The following GRAMD1B variants were observed in gnomAD, a reference collection of about 807,000 sequenced individuals.
GRAMD1B encodes GRAM domain containing 1B.
GRAMD1B carries 37 observed loss-of-function variants against 99.7 expected under a neutral mutation model. The observed-to-expected ratio is 0.37, with a 90% CI of 0.29 to 0.49. The LOEUF is 0.49. Among genes scored for constraint, GRAMD1B ranks in the 20% least tolerant of loss-of-function variants. GRAMD1B has a pLI of 0.98. For missense variants in GRAMD1B, 888 were observed against 1,009.2 expected (o/e 0.88, Z 1.63); for synonymous variants, 427 against 387.6 (o/e 1.10, Z -1.19).
intron 2 of GRAMD1B, among the ~76,000 whole-genome samples, chr11:123,521,725 T>C (rs1942209752): frequency 6.6e-6 from 1 of 152,228 alleles, no homozygotes; most frequent in African/African-American, 2.4e-5. Context: ...GGGCAGCATT[T>C]GTACATTTCT....
At chr11:123,438,397 G>A (rs1411693995) in intron 1 of GRAMD1B, among the ~76,000 whole-genome samples, 1 of 152,062 alleles carries the variant, frequency 6.6e-6, no homozygotes, top group African/African-American at 2.4e-5. Flanking sequence ...GATGTGGAGG[G>A]GGAGGTCCTG....
At chr11:123,488,062 T>C (rs1241850328) in intron 2 of GRAMD1B, among the ~76,000 whole-genome samples, 2 of 152,188 alleles carry the variant, frequency 1.3e-5, no homozygotes, top group African/African-American at 4.8e-5. Context: ...GGCATTCAGG[T>C]GAGGTCCTGT....
At chr11:123,392,482 A>G (rs1358724244) in intron 1 of GRAMD1B, among the ~76,000 whole-genome samples, 1 of 151,912 alleles carries the variant, frequency 6.6e-6, no homozygotes, top group Non-Finnish European at 1.5e-5. Context: ...TGTCAGTTTC[A>G]TATCAATTCT....
chr11:123,415,476 C>A (rs1229204325), intron 1 of GRAMD1B, among the ~76,000 whole-genome samples: 1 of 151,394 alleles, frequency 6.6e-6, no homozygotes, highest in South Asian at 2.1e-4. Flanking sequence ...ACATTGCTAT[C>A]TTTTCAGTCA....
At chr11:123,572,486 G>A (rs1565392553) in intron 2 of GRAMD1B, among the ~76,000 whole-genome samples, 1 of 152,292 alleles carries the variant, frequency 6.6e-6, no homozygotes, top group African/African-American at 2.4e-5. Flanking sequence ...TGGGATAATG[G>A]GTTAACTGGT....
At chr11:123,563,808 G>A (rs551261830) in intron 2 of GRAMD1B, among the ~76,000 whole-genome samples, 2 of 152,088 alleles carry the variant, frequency 1.3e-5, no homozygotes, top group Admixed American at 6.5e-5. Context: ...CAATGAGAAG[G>A]GTGGCAAGGG....
intron 1 of GRAMD1B, among the ~76,000 whole-genome samples, chr11:123,474,935 A>G (rs1461981924): frequency 6.6e-6 from 1 of 152,168 alleles, no homozygotes; most frequent in African/African-American, 2.4e-5. Flanking sequence ...ACATGCCCCC[A>G]TGACGGCTTG....
intron 2 of GRAMD1B, among the ~76,000 whole-genome samples, chr11:123,541,160 C>T (rs1479606127): frequency 6.6e-6 from 1 of 151,950 alleles, no homozygotes; most frequent in Non-Finnish European, 1.5e-5. Flanking sequence ...TTTTTTAGTA[C>T]AGACGGAGTT....
intron 4 of GRAMD1B, among the ~76,000 whole-genome samples, chr11:123,592,438 T>C (rs1217047326): frequency 6.6e-6 from 1 of 152,172 alleles, no homozygotes; most frequent in African/African-American, 2.4e-5. Context: ...ATAAAAATAA[T>C]CTGGGGTCTG....
intron 2 of GRAMD1B, among the ~76,000 whole-genome samples, chr11:123,500,485 T>A (rs775248841): frequency 1.3e-5 from 2 of 152,102 alleles, no homozygotes; most frequent in Non-Finnish European, 2.9e-5. Flanking sequence ...CAATGGGAAA[T>A]TTGCTAAAAT....
In GRAMD1B at chr11:123,618,680, G is replaced by C. The variant is rs765147426; in HGVS notation, c.2319-13G>C. Reference sequence around the variant, plus strand: ...TCACTGCTGATGTTTTTTTCCCCACGTCTCCTTCCTAGTCTGGTGCTGCTG... The same window carrying C: ...TCACTGCTGATGTTTTTTTCCCCACCTCTCCTTCCTAGTCTGGTGCTGCTG... On this transcript the variant is annotated splice_polypyrimidine_tract_variant and intron_variant, in intron 17 of 19. Transcript: ENST00000635736. The C allele has an allele frequency of 6.9e-7, 1 of 1,457,620 alleles. No homozygotes were observed. The highest frequency in any genetic ancestry group is 9.5e-7 in the Non-Finnish European group (1 of 1,052,604). 90.3% of individuals were successfully genotyped at this position (1,457,620 alleles called of 1,614,324 possible). A position where few individuals can be genotyped will look rare whatever the true frequency, so the allele number is the denominator to read the frequency against.
At chr11:123,617,169 C>CTTTTTTTTTTT (rs34788392) in intron 17 of GRAMD1B, among the ~76,000 whole-genome samples, 15 of 133,652 alleles carry the variant, frequency 1.1e-4, no homozygotes, top group African/African-American at 1.4e-4. Context: ...TCTTTCTTTC[C>CTTTTTTTTTTT]TTTTTTTTTT....
Position 123,577,398 on chromosome 11 carries a change from G to A in GRAMD1B, c.484G>A (p.Ala162Thr), listed in dbSNP as rs999972541. 1.3e-6 allele frequency: 2 copies of A among 1,594,442 alleles called. No individual in the cohort carries two copies. Among genetic ancestry groups the A allele is most frequent in the Non-Finnish European group, 1.7e-6 (2 of 1,171,034 alleles). Reference sequence around the variant, plus strand: ...CAGTAACTCCAACCGCAGCACGCCGGCCTGCTCGCCCATCCTCCGGAAGCG... The same window carrying A: ...CAGTAACTCCAACCGCAGCACGCCGACCTGCTCGCCCATCCTCCGGAAGCG... ...TASNSNRSTP[A>T]CSPILRKRSR... The change falls in exon 3 of 20, where the codon GCC (alanine) becomes ACC (threonine). Residue 162 changes from alanine (A) to threonine (T), a missense_variant. Physicochemically the swap from Ala to Thr is moderately conservative, Grantham distance 58. Around this residue, in one of 5 missense-constraint regions of GRAMD1B, gnomAD observed 233 missense variants for 154.6 expected, o/e 1.51. Transcript: ENST00000635736.
intron 1 of GRAMD1B, among the ~76,000 whole-genome samples, chr11:123,372,053 A>T (rs1221867966): frequency 6.6e-6 from 1 of 152,214 alleles, no homozygotes; most frequent in Non-Finnish European, 1.5e-5. Context: ...TTGATTACAG[A>T]GCACTGAAGC....
At chr11:123,560,054 A>G (rs1283247043) in intron 2 of GRAMD1B, among the ~76,000 whole-genome samples, 2 of 134,518 alleles carry the variant, frequency 1.5e-5, no homozygotes, top group Non-Finnish European at 3.1e-5. Flanking sequence ...ATTGAGGGTG[A>G]AGAGGAAATA....
chr11:123,560,734 G>A (rs79092903), intron 2 of GRAMD1B: 7,326 of 370,198 alleles, frequency 0.02, 167 homozygotes, highest in East Asian at 0.11. Context: ...GTGTGTGTGT[G>A]TATCTTTGTT....
chr11:123,483,036 GA>G (rs67195021), intron 2 of GRAMD1B, among the ~76,000 whole-genome samples: 26,370 of 142,524 alleles, frequency 0.19, 2,673 homozygotes, highest in Admixed American at 0.26. Flanking sequence ...AGATTGGGTG[GA>G]AAAAAAAAAA....
At chr11:123,618,392 C>G (rs769200047) in intron 17 of GRAMD1B, 48 of 1,598,300 alleles carry the variant, frequency 3.0e-5, no homozygotes, top group Non-Finnish European at 2.9e-5. Context: ...ACCCCCTCAT[C>G]TCTTTTCCTC....
intron 2 of GRAMD1B, among the ~76,000 whole-genome samples, chr11:123,526,998 G>A (rs1050874130): frequency 3.9e-5 from 6 of 152,304 alleles, no homozygotes; most frequent in South Asian, 2.1e-4. Context: ...CCAGTGATCC[G>A]GTACCCCTGC....
Sources: allele counts gnomAD v4.1 joint callset (sites outside exome capture counted in the v4.1 genomes callset), GRCh38; gene constraint gnomAD v4.1.1; regional missense constraint gnomAD v4.1.1; transcripts MANE v1.5; gene names NCBI Gene and HGNC (gene_info 2026-07-23, HGNC 2026-07-21).